The following HSD17B12 variants were observed in gnomAD, a reference collection of about 807,000 sequenced individuals.
HSD17B12 encodes the protein very-long-chain 3-oxoacyl-CoA reductase.
Under a neutral mutation model 39.3 loss-of-function variants are expected in HSD17B12, and 32 were observed. The observed-to-expected ratio is 0.81, with a 90% CI of 0.61 to 1.09. The LOEUF is 1.09. HSD17B12 is among the 50% of genes least tolerant of loss of function. The pLI is 0.00. For missense variants in HSD17B12, 342 were observed against 382.9 expected (o/e 0.89, Z 0.89); for synonymous variants, 150 against 146.7 (o/e 1.02, Z -0.16).
chr11:43,732,114 C>T (rs749614765), intron 1 of HSD17B12, among the ~76,000 whole-genome samples: 18 of 152,042 alleles, frequency 1.2e-4, no homozygotes, highest in Non-Finnish European at 2.6e-4. Context: ...CCATGCTGTT[C>T]TCCTGATAGT....
At chr11:43,768,825 C>G (rs1565081586) in intron 3 of HSD17B12, among the ~76,000 whole-genome samples, 1 of 152,216 alleles carries the variant, frequency 6.6e-6, no homozygotes, top group East Asian at 1.9e-4. Flanking sequence ...CGCCCATGTC[C>G]TGCTGATTGG....
upstream of HSD17B12, chr11:43,680,638 A>G: frequency 1.6e-6 from 1 of 607,488 alleles, no homozygotes; most frequent in East Asian, 2.9e-5. Flanking sequence ...TGGCTGACGC[A>G]CTACGCGCAG....
At chr11:43,813,628 G>T (rs1590321877) in intron 4 of HSD17B12, among the ~76,000 whole-genome samples, 1 of 152,210 alleles carries the variant, frequency 6.6e-6, no homozygotes, top group East Asian at 1.9e-4. Flanking sequence ...TAATTCTGTA[G>T]GTGGTTAAAG....
intron 1 of HSD17B12, among the ~76,000 whole-genome samples, chr11:43,682,544 C>CAAAAAAAAAAAAAAAAA (rs55938101): frequency 3.6e-4 from 43 of 118,460 alleles, no homozygotes; most frequent in African/African-American, 1.3e-3. Context: ...AGACTCATCT[C>CAAAAAAAAAAAAAAAAA]AAAAAAAAAA....
chr11:43,802,825 T>TTTAAAA (rs1950984600), intron 4 of HSD17B12, among the ~76,000 whole-genome samples: 2 of 152,202 alleles, frequency 1.3e-5, no homozygotes, highest in Non-Finnish European at 2.9e-5. Flanking sequence ...TAAACCCTGC[T>TTTAAAA]TTAAAATTAT....
At chr11:43,742,282 T>C (rs905317910) in intron 1 of HSD17B12, among the ~76,000 whole-genome samples, 1 of 151,404 alleles carries the variant, frequency 6.6e-6, no homozygotes, top group Non-Finnish European at 1.5e-5. Context: ...GGACTATAGG[T>C]GTGTGCTACC....
At chr11:43,657,541 AGTT>A in the HSD17B12 span, among the ~76,000 whole-genome samples, 2 of 152,092 alleles carry the variant, frequency 1.3e-5, no homozygotes, top group African/African-American at 2.4e-5. Flanking sequence ...GGCTGGTACC[AGTT>A]GTTCCTTTCC....
chr11:43,619,168 T>TATATG, the HSD17B12 span, among the ~76,000 whole-genome samples: 1 of 117,068 alleles, frequency 8.5e-6, no homozygotes, highest in African/African-American at 3.5e-5. Context: ...ATATATGATA[T>TATATG]ATATATATAT....
At chr11:43,827,394 A>T (rs560818380) in intron 6 of HSD17B12, among the ~76,000 whole-genome samples, 7 of 152,362 alleles carry the variant, frequency 4.6e-5, no homozygotes, top group African/African-American at 2.4e-5. Context: ...ATCATTTTTC[A>T]TACTAAATTA....
chr11:43,790,328 C>A (rs1282677560), intron 3 of HSD17B12, among the ~76,000 whole-genome samples: 2 of 152,130 alleles, frequency 1.3e-5, no homozygotes, highest in Non-Finnish European at 2.9e-5. Context: ...AAAAAATATG[C>A]AGCTGATGCA....
At chr11:43,676,099 C>CG (rs1382669742), upstream of HSD17B12, among the ~76,000 whole-genome samples, 11 of 150,270 alleles carry the variant, frequency 7.3e-5, no homozygotes, top group South Asian at 4.2e-4. Flanking sequence ...GCGGTAAGAG[C>CG]GGGAAAAAAA....
At chr11:43,655,099 T>A in the HSD17B12 span, among the ~76,000 whole-genome samples, 1 of 152,206 alleles carries the variant, frequency 6.6e-6, no homozygotes, top group Non-Finnish European at 1.5e-5. Flanking sequence ...GGTTTGTAGT[T>A]CTCCTTGAAG....
intron 1 of HSD17B12, among the ~76,000 whole-genome samples, chr11:43,722,487 G>A (rs1205615548): frequency 1.3e-5 from 2 of 152,154 alleles, no homozygotes; most frequent in Non-Finnish European, 2.9e-5. Flanking sequence ...TGAAGCGGAA[G>A]GATTGCTTTA....
intron 1 of HSD17B12, among the ~76,000 whole-genome samples, chr11:43,750,106 T>A (rs1459696196): frequency 6.6e-6 from 1 of 152,148 alleles, no homozygotes; most frequent in Non-Finnish European, 1.5e-5. Context: ...TATGAAGATA[T>A]ATACAGTAAG....
At chr11:43,626,935 CTTAA>C in the HSD17B12 span, among the ~76,000 whole-genome samples, 2 of 151,988 alleles carry the variant, frequency 1.3e-5, no homozygotes, top group African/African-American at 2.4e-5. Context: ...ATTTACTTTA[CTTAA>C]TTAATCTCAC....
chr11:43,823,530 C>T (rs1299392392), intron 6 of HSD17B12, among the ~76,000 whole-genome samples: 4 of 152,158 alleles, frequency 2.6e-5, no homozygotes, highest in South Asian at 4.2e-4. Context: ...CTCAGCTTCC[C>T]GAAGTGCTGG....
intron 1 of HSD17B12, among the ~76,000 whole-genome samples, chr11:43,736,350 T>C (rs1463882715): frequency 6.6e-6 from 1 of 152,134 alleles, no homozygotes; most frequent in Admixed American, 6.5e-5. Context: ...TTATTGTTGT[T>C]GTTTGGGTTT....
the HSD17B12 span, among the ~76,000 whole-genome samples, chr11:43,592,844 G>A: frequency 2.0e-5 from 3 of 151,802 alleles, no homozygotes; most frequent in African/African-American, 7.3e-5. Flanking sequence ...TCTTAAAGGG[G>A]GTCAGGATCC....
intron 1 of HSD17B12, among the ~76,000 whole-genome samples, chr11:43,711,627 A>G (rs1417753365): frequency 6.6e-6 from 1 of 151,706 alleles, no homozygotes; most frequent in Non-Finnish European, 1.5e-5. Flanking sequence ...CATGTGTACT[A>G]CCACACCTGA....
Sources: allele counts gnomAD v4.1 joint callset (sites outside exome capture counted in the v4.1 genomes callset), GRCh38; gene constraint gnomAD v4.1.1; transcripts MANE v1.5; gene names NCBI Gene and HGNC (gene_info 2026-07-23, HGNC 2026-07-21).